Variants in EAF1 observed in about 807,000 individuals in gnomAD.
EAF1 encodes ELL associated factor 1.
In EAF1, 19 loss-of-function variants were observed where a neutral mutation model predicts 26.6. The observed-to-expected ratio is 0.71, with a 90% CI of 0.50 to 1.05. The LOEUF is 1.05. EAF1 is among the 50% of genes least tolerant of loss of function. EAF1 has a pLI of 0.00. For missense variants in EAF1, 260 were observed against 335.5 expected, an observed-to-expected ratio of 0.78 and a Z score of 1.76; for synonymous variants, 102 against 120.6, an observed-to-expected ratio of 0.85 and a Z score of 1.01.
rs1430288226 is a variant in EAF1 at position 15,427,825 on chromosome 3, C to T, written c.46C>T (p.Leu16=). The T allele has an allele frequency of 1.9e-6, 3 of 1,551,286 alleles. No individual in the cohort carries two copies. The Admixed American group carries it at 5.9e-5, about 30-fold the overall frequency. The change falls in exon 1 of 6, where the codon CTG becomes TTG. Residue 16 remains leucine, a synonymous_variant. Transcript: ENST00000396842. ...GCTGCTGGACCGCGAGGAACATTGC[C>T]TGAGGCTCGGGGAGAGCTTCGAGAA... ...NPLLDREEHC[L]RLGESFEKRP... is the part of the protein sequence containing the mutation.
At chr3:15,432,008 G>C in intron 2 of EAF1, 79 bp from the exon 3 acceptor site, 1 of 1,457,796 alleles carries the variant, frequency 6.9e-7, no homozygotes, top group East Asian at 2.4e-5. Flanking sequence ...ATTTCATCAG[G>C]TGGAGTCATC....
intron 1 of EAF1, among the ~76,000 whole-genome samples, chr3:15,429,456 A>G (rs79685721): frequency 0.028 from 4,196 of 152,284 alleles, 177 homozygotes; most frequent in African/African-American, 0.094. Context: ...CATATTTCAT[A>G]TAGAGTTTAC....
rs1188126984 is a variant in EAF1, at chr3:15,429,933, A to G, written c.124A>G (p.Ile42Val). ...TTTAGATGATTTTAAACCAGCATCT[A>G]TAGACACTTCCTGTGAAGGAGAGCT... ...TIRYDFKPAS[I>V]DTSCEGELQV... The change falls in exon 2 of 6, where the codon ATA (isoleucine) becomes GTA (valine). Residue 42 changes from isoleucine to valine, a missense_variant. Ile to Val is a conservative substitution (Grantham distance 29). Transcript: ENST00000396842. The G allele has an allele frequency of 4.3e-6, 7 of 1,613,486 alleles. No individual in the cohort carries two copies. Among genetic ancestry groups the G allele is most frequent in the African/African-American group, 4.0e-5 (3 of 75,050 alleles).
rs1358751394 is a variant in EAF1 at position 15,427,638 on chromosome 3, C to G, written c.-142C>G. 2.4e-6 allele frequency: 2 copies of G among 817,952 alleles called. No individual in the cohort carries two copies. Among genetic ancestry groups the G allele is most frequent in the South Asian group, 3.2e-5 (2 of 61,962 alleles). 50.7% of individuals were successfully genotyped at this position (817,952 alleles called of 1,614,324 possible). A position where few individuals can be genotyped will look rare whatever the true frequency, so the allele number is the denominator to read the frequency against. On this transcript the variant is annotated 5_prime_UTR_variant, in exon 1 of 6. Transcript: ENST00000396842. ...GCAGAGGAGAGAACTTGCTTCTGGA[C>G]CCGGGTGGGTGCCGGCTCGGCTCTC...
intron 1 of EAF1, among the ~76,000 whole-genome samples, chr3:15,428,413 C>T (rs1225321125): frequency 1.3e-5 from 2 of 152,138 alleles, no homozygotes; most frequent in African/African-American, 4.8e-5. Context: ...CCTCTACAGC[C>T]AAAGAATTGG....
At chr3:15,430,158 G>A (rs1016210986) in intron 2 of EAF1, 151 bp downstream of exon 2, 2 of 607,722 alleles carry the variant, frequency 3.3e-6, no homozygotes, top group Non-Finnish European at 5.6e-6. Context: ...GTGGGGTGGG[G>A]TGGACTTCAT....
Position 15,429,942 on chromosome 3 carries a change from TC to T in EAF1, c.135del (p.Cys46ValfsTer27), listed in dbSNP as rs1455173116. On this transcript the variant is annotated frameshift_variant, in exon 2 of 6. Transcript: ENST00000396842. LOFTEE classifies it high-confidence loss of function. The stretch of plus-strand genomic sequence containing the variant: ...TTTTAAACCAGCATCTATAGACACT[TC>T]CTGTGAAGGAGAGCTTCAAGTTGGC... ...YDFKPASIDT[S>X]CEGELQVGKG... 5.0e-6 allele frequency: 8 copies of T among 1,613,566 alleles called. No homozygotes were observed. The East Asian group carries it at 1.1e-4, about 22-fold the overall frequency.
intron 1 of EAF1, among the ~76,000 whole-genome samples, chr3:15,429,118 C>A (rs2061782237): frequency 6.6e-6 from 1 of 152,156 alleles, no homozygotes; most frequent in African/African-American, 2.4e-5. Context: ...ATGTTGTATT[C>A]TAACTGCAGT....
At chr3:15,438,955 G>A in intron 5 of EAF1, 154 bp from the exon 6 acceptor site, 1 of 670,902 alleles carries the variant, frequency 1.5e-6, no homozygotes, top group South Asian at 2.1e-5. Flanking sequence ...TTGTTTCAGT[G>A]AGCCAATTTG....
chr3:15,435,832 C>G (rs2061831245), intron 4 of EAF1, among the ~76,000 whole-genome samples: 1 of 152,174 alleles, frequency 6.6e-6, no homozygotes, highest in Non-Finnish European at 1.5e-5. Context: ...ACCTTAGAGG[C>G]TGTCTGGTTT....
At position 15,436,441 on chromosome 3, in the gene EAF1, C is replaced by T; in HGVS notation, c.626C>T (p.Ser209Phe). ...TCTTCGGGAAGTGATGACGATAGCT[C>T]CAGCAGTGGAGGCGAGGACAATGGC... ...ESSSGSDDDS[S>F]SSGGEDNGPA... The change falls in exon 5 of 6, where the codon TCC (serine) becomes TTC (phenylalanine). Residue 209 changes from serine (S) to phenylalanine (F), a missense_variant. Ser to Phe is a radical substitution (Grantham distance 155). Coordinates refer to ENST00000396842, the MANE Select transcript of EAF1 (RefSeq NM_033083.7). 1 of 1,613,878 alleles carries T rather than the reference C, an allele frequency of 6.2e-7. No homozygotes were observed. The highest frequency in any genetic ancestry group is 8.5e-7 in the Non-Finnish European group (1 of 1,179,786).
Position 15,427,618 on chromosome 3 carries a change from G to A in EAF1, c.-162G>A, listed in dbSNP as rs958601728. ...GATTCCTCTCTCACCCCCACGCAGA[G>A]GAGAGAACTTGCTTCTGGACCCGGG... On this transcript the variant is annotated 5_prime_UTR_variant, in exon 1 of 6. Transcript: ENST00000396842. 2.5e-5 allele frequency: 17 copies of A among 672,006 alleles called. No individual in the cohort carries two copies. In the African/African-American group the frequency reaches 2.9e-4, roughly 12 times the overall value. 41.6% of individuals were successfully genotyped at this position (672,006 alleles called of 1,614,324 possible).
intron 1 of EAF1, 142 bp from the exon 2 acceptor site, chr3:15,429,771 A>C (rs1203107636): frequency 9.4e-6 from 6 of 640,818 alleles, no homozygotes; most frequent in Non-Finnish European, 1.6e-5. Context: ...GTTTTCCATA[A>C]CGAAACAGTT....
chr3:15,431,787 G>C (rs951231382), intron 2 of EAF1, among the ~76,000 whole-genome samples: 1 of 152,154 alleles, frequency 6.6e-6, no homozygotes, highest in African/African-American at 2.4e-5. Flanking sequence ...TGATAACTCT[G>C]CTTAGTATAA....
chr3:15,431,282 A>G (rs2061800318), intron 2 of EAF1, among the ~76,000 whole-genome samples: 1 of 152,246 alleles, frequency 6.6e-6, no homozygotes, highest in Non-Finnish European at 1.5e-5. Context: ...AATTAATACA[A>G]GAAAATATAG....
In EAF1 at chr3:15,430,302, T is replaced by C. The variant is rs146112515; in HGVS notation, c.198+295T>C. 3.6e-4 allele frequency among the ~76,000 whole-genome samples: 55 copies of C among 151,664 alleles called. 2 individuals are homozygous for C. In the East Asian group the frequency reaches 9.2e-3, roughly 25 times the overall value. On this transcript the variant is annotated intron_variant, in intron 2 of 5. Transcript: ENST00000396842. ...GGTGAAACCCCGTCTGTACCAAAAA[T>C]ACAAAAAATTAGCTGGGGGTGATGG... is the stretch of plus-strand genomic sequence containing the variant.
intron 4 of EAF1, 105 bp from the exon 5 acceptor site, chr3:15,436,237 A>T: frequency 1.2e-6 from 1 of 812,252 alleles, no homozygotes; most frequent in Non-Finnish European, 1.8e-6. Context: ...GTTTTAAATT[A>T]TTTCTTATTG....
In EAF1 at chr3:15,427,788, G is replaced by T; in HGVS notation, c.9G>T (p.Gly3=). The T allele has an allele frequency of 1.3e-6, 2 of 1,551,326 alleles. No homozygotes were observed. The highest frequency in any genetic ancestry group is 1.2e-5 in the South Asian group (1 of 84,036). The part of the protein sequence containing the change: MN[G]TANPLLDREE... ...GAGGCAGGTGCGGGGCCATGAATGGGACCGCAAACCCGCTGCTGGACCGCG... is the reference window on the plus strand; with the variant it reads ...GAGGCAGGTGCGGGGCCATGAATGGTACCGCAAACCCGCTGCTGGACCGCG... The change falls in exon 1 of 6, where the codon GGG becomes GGT. Residue 3 remains glycine (G), a synonymous_variant. Transcript: ENST00000396842.
At position 15,439,992 on chromosome 3, in the gene EAF1, A is replaced by T. The variant is rs1227985073; in HGVS notation, c.*837A>T. 1.3e-5 allele frequency: 2 copies of T among 152,234 alleles called. No homozygotes were observed. The highest frequency in any genetic ancestry group is 2.9e-5 in the Non-Finnish European group (2 of 68,056). 9.4% of individuals were successfully genotyped at this position (152,234 alleles called of 1,614,324 possible). A position where few individuals can be genotyped will look rare whatever the true frequency, so the allele number is the denominator to read the frequency against. On this transcript the variant is annotated 3_prime_UTR_variant, in exon 6 of 6. Transcript: ENST00000396842. ...TAAATACATGAGGCTGGGTGAGCAG[A>T]TGAAACCGGTAGCCACTGTGCTGAT...
Sources: gnomAD v4.1 joint callset for allele counts (sites outside exome capture counted in the v4.1 genomes callset) on GRCh38, gnomAD v4.1.1 for gene constraint, MANE v1.5 for transcripts, NCBI Gene and HGNC (gene_info 2026-07-23, HGNC 2026-07-21) for gene names.